Variants in CACNA2D3 observed in about 807,000 individuals in gnomAD.
CACNA2D3 encodes calcium voltage-gated channel auxiliary subunit alpha2delta 3, also known as voltage-dependent calcium channel subunit alpha-2/delta-3.
CACNA2D3 carries 60 observed loss-of-function variants against 160.6 expected under a neutral mutation model. That is an observed-to-expected ratio of 0.37 (90% CI 0.30 to 0.46). The LOEUF is 0.46. CACNA2D3 is among the 20% of genes least tolerant of loss of function. The probability of loss-of-function intolerance (pLI) is 1.00; values close to 1 mark genes in which losing one functional copy is unlikely to be tolerated. For missense variants in CACNA2D3, 1,205 were observed against 1,365.0 expected (o/e 0.88, Z 1.85); for synonymous variants, 558 against 492.9 (o/e 1.13, Z -1.75).
intron 10 of CACNA2D3, among the ~76,000 whole-genome samples, chr3:54,630,291 AG>A (rs1372158952): frequency 1.3e-5 from 2 of 151,980 alleles, no homozygotes; most frequent in Admixed American, 6.6e-5. Flanking sequence ...TCTTTGCCCA[AG>A]TCATTAGGAG....
At chr3:54,336,387 G>A (rs190669458) in intron 3 of CACNA2D3, among the ~76,000 whole-genome samples, 19 of 152,242 alleles carry the variant, frequency 1.2e-4, no homozygotes, top group African/African-American at 3.9e-4. Context: ...TAAACAGAAT[G>A]TTTAGAGAGG....
intron 31 of CACNA2D3, among the ~76,000 whole-genome samples, chr3:54,992,605 C>A (rs1702764673): frequency 6.6e-6 from 1 of 152,092 alleles, no homozygotes; most frequent in African/African-American, 2.4e-5. Context: ...GAATCCGTCT[C>A]TTCCTAGAGG....
intron 2 of CACNA2D3, among the ~76,000 whole-genome samples, chr3:54,251,965 G>C (rs1702196741): frequency 6.6e-6 from 1 of 152,078 alleles, no homozygotes. Context: ...CTTGGTTCTA[G>C]TATTTGTGTG....
At chr3:54,413,017 G>T (rs540628598) in intron 4 of CACNA2D3, among the ~76,000 whole-genome samples, 1 of 151,710 alleles carries the variant, frequency 6.6e-6, no homozygotes, top group African/African-American at 2.4e-5. Context: ...GTTTCCATTT[G>T]TTATTTCTCT....
chr3:54,830,585 C>T lies in CACNA2D3; in HGVS notation c.1399-6574C>T, dbSNP rs1034439530. Among the ~76,000 whole-genome samples, 7 of 151,684 alleles carry T rather than the reference C, an allele frequency of 4.6e-5. No homozygotes were observed. The South Asian group carries it at 1.0e-3, about 23-fold the overall frequency. On this transcript the variant is annotated intron_variant, in intron 14 of 37. Transcript: ENST00000474759. ...TGCCTCAGCCTCCCAAGTAGAGTAG[C>T]TGGGATTACAGGAGTGCCCCCACCA...
intron 2 of CACNA2D3, among the ~76,000 whole-genome samples, chr3:54,318,115 G>C (rs777158385): frequency 3.3e-5 from 5 of 150,848 alleles, no homozygotes; most frequent in Non-Finnish European, 4.4e-5. Flanking sequence ...TCTGCAATAG[G>C]CTCCATCCAG....
chr3:54,363,466 T>C (rs1244170847), intron 3 of CACNA2D3, among the ~76,000 whole-genome samples: 1 of 152,132 alleles, frequency 6.6e-6, no homozygotes, highest in African/African-American at 2.4e-5. Flanking sequence ...ATTGGCCTCC[T>C]GGGTTAAAAT....
intron 2 of CACNA2D3, among the ~76,000 whole-genome samples, chr3:54,233,739 C>CAGGTCG (rs976343858): frequency 3.6e-4 from 55 of 152,326 alleles, no homozygotes; most frequent in African/African-American, 1.3e-3. Flanking sequence ...AATCCCTTCA[C>CAGGTCG]AGGTCGAAGA....
At chr3:54,311,607 C>T (rs954746261) in intron 2 of CACNA2D3, among the ~76,000 whole-genome samples, 5 of 152,178 alleles carry the variant, frequency 3.3e-5, no homozygotes, top group African/African-American at 1.2e-4. Context: ...AGTGTGCCCT[C>T]CAGAGGAGGC....
intron 3 of CACNA2D3, among the ~76,000 whole-genome samples, chr3:54,340,436 A>G (rs942682285): frequency 2.1e-4 from 32 of 152,234 alleles, no homozygotes; most frequent in Non-Finnish European, 4.3e-4. Flanking sequence ...TGTCCATGAA[A>G]AAGAAACATA....
intron 27 of CACNA2D3, among the ~76,000 whole-genome samples, chr3:54,960,533 T>G (rs1457530424): frequency 1.3e-5 from 2 of 152,360 alleles, no homozygotes; most frequent in East Asian, 3.9e-4. Context: ...GAGATTAATG[T>G]TCAGGCTTTA....
At chr3:54,652,237 GA>G (rs1461842262) in intron 11 of CACNA2D3, among the ~76,000 whole-genome samples, 1 of 151,868 alleles carries the variant, frequency 6.6e-6, no homozygotes, top group Non-Finnish European at 1.5e-5. Context: ...GCTGGCAGCG[GA>G]AAAAAAGGGA....
In CACNA2D3 at chr3:54,986,458, C is replaced by A. The variant is rs370694987; in HGVS notation, c.2620-1225C>A. Among the ~76,000 whole-genome samples the A allele has an allele frequency of 2.0e-4, 30 of 152,310 alleles. No individual in the cohort carries two copies. In the East Asian group the frequency reaches 4.6e-3, roughly 24 times the overall value. On this transcript the variant is annotated intron_variant, in intron 30 of 37. Transcript: ENST00000474759. Reference sequence around the variant, plus strand: ...ATACAAATGTCCTTCTTGCTCCTAGCAGTAGTACACGCCCACAGAGTTTGC... The same window carrying A: ...ATACAAATGTCCTTCTTGCTCCTAGAAGTAGTACACGCCCACAGAGTTTGC...
At chr3:54,302,793 C>A (rs201249565) in intron 2 of CACNA2D3, among the ~76,000 whole-genome samples, 1 of 151,812 alleles carries the variant, frequency 6.6e-6, no homozygotes, top group African/African-American at 2.4e-5. Context: ...CTCCTCCATC[C>A]GGTTGTACAC....
At chr3:54,942,213 T>A (rs1449482376) in intron 27 of CACNA2D3, among the ~76,000 whole-genome samples, 1 of 152,172 alleles carries the variant, frequency 6.6e-6, no homozygotes, top group Non-Finnish European at 1.5e-5. Flanking sequence ...GGTGTGTCAG[T>A]GCTTTTAACG....
intron 1 of CACNA2D3, 126 bp from the exon 2 acceptor site, chr3:54,123,387 C>G: frequency 7.4e-5 from 50 of 674,500 alleles, no homozygotes; most frequent in East Asian, 5.8e-5. Context: ...TCTATCTTTT[C>G]TTCTTTTAAA....
chr3:54,972,911 A>G (rs1164079066), intron 29 of CACNA2D3, among the ~76,000 whole-genome samples: 17 of 152,144 alleles, frequency 1.1e-4, no homozygotes, highest in Admixed American at 1.0e-3. Context: ...AGCCCTTCTT[A>G]GGCACCTGGT....
chr3:54,604,871 G>A (rs765311621), intron 9 of CACNA2D3, among the ~76,000 whole-genome samples: 1 of 152,130 alleles, frequency 6.6e-6, no homozygotes, highest in African/African-American at 2.4e-5. Context: ...CATGAAGGCC[G>A]TACTGCTGGA....
chr3:54,884,060 C>T (rs182873469), intron 21 of CACNA2D3, among the ~76,000 whole-genome samples: 121 of 151,818 alleles, frequency 8.0e-4, no homozygotes, highest in African/African-American at 2.6e-3. Flanking sequence ...AGCAGATGCT[C>T]AGTAAAAGTA....
Sources: gnomAD v4.1 joint callset for allele counts (sites outside exome capture counted in the v4.1 genomes callset) on GRCh38, gnomAD v4.1.1 for gene constraint, MANE v1.5 for transcripts, NCBI Gene and HGNC (gene_info 2026-07-23, HGNC 2026-07-21) for gene names.